The following KIFC3 variants were observed in gnomAD, a reference collection of about 807,000 sequenced individuals.
KIFC3 encodes kinesin-like protein KIFC3.
Under a neutral mutation model 101.8 loss-of-function variants are expected in KIFC3, and 60 were observed. That is an observed-to-expected ratio of 0.59 (90% CI 0.48 to 0.73). The LOEUF (loss-of-function observed/expected upper bound fraction) is 0.73. Ranked by LOEUF, KIFC3 falls within the 30% of genes least tolerant of loss-of-function variation. The probability of loss-of-function intolerance (pLI) is 0.00; values close to 1 mark genes in which losing one functional copy is unlikely to be tolerated. For synonymous variants in KIFC3, 476 were observed against 482.7 expected (o/e 0.99, Z 0.18); for missense variants, 966 against 1,137.1 (o/e 0.85, Z 2.16).
chr16:57,760,162 C>T (rs2049664166), intron 17 of KIFC3, 120 bp downstream of exon 17: 2 of 1,237,672 alleles, frequency 1.6e-6, no homozygotes, highest in Non-Finnish European at 1.1e-6. Context: ...CTCCACCCAA[C>T]TCCGGCAGCT....
intron 1 of KIFC3, among the ~76,000 whole-genome samples, chr16:57,811,918 C>A (rs1320099502): frequency 4.3e-4 from 46 of 107,784 alleles, no homozygotes; most frequent in East Asian, 1.3e-3. Flanking sequence ...GACTCCGTCT[C>A]AAAAAAAAAA....
intron 9 of KIFC3, among the ~76,000 whole-genome samples, chr16:57,768,773 G>A (rs543926854): frequency 5.3e-5 from 8 of 152,102 alleles, no homozygotes; most frequent in East Asian, 1.9e-4. Context: ...AGGAGCTAAC[G>A]GCTATAAACA....
At chr16:57,779,246 C>G (rs1555613273) in intron 3 of KIFC3, 1 of 152,170 alleles carries the variant, frequency 6.6e-6, no homozygotes, top group African/African-American at 2.4e-5. Context: ...CAATATTACT[C>G]AGCCTTAAAA....
chr16:57,833,591 C>G (rs76974648), intron 1 of KIFC3, among the ~76,000 whole-genome samples: 1,925 of 152,250 alleles, frequency 0.013, 37 homozygotes, highest in African/African-American at 0.044. Context: ...CCACAGACTC[C>G]CAGGACCCAG....
chr16:57,810,577 A>C (rs1181772487), intron 1 of KIFC3: 13 of 813,926 alleles, frequency 1.6e-5, no homozygotes, highest in Non-Finnish European at 1.9e-5. Context: ...AGTGGCTTCC[A>C]TCTGCCACCT....
intron 1 of KIFC3, among the ~76,000 whole-genome samples, chr16:57,822,872 A>G (rs1446780128): frequency 3.3e-5 from 5 of 152,216 alleles, no homozygotes; most frequent in Non-Finnish European, 4.4e-5. Flanking sequence ...TCTGTAGATT[A>G]TTAGGTAGCA....
intron 3 of KIFC3, among the ~76,000 whole-genome samples, chr16:57,780,119 G>A (rs56303159): frequency 0.07 from 10,706 of 152,310 alleles, 440 homozygotes; most frequent in South Asian, 0.09. Context: ...ATTACAATTC[G>A]AGATGAAATT....
chr16:57,862,632 G>C, intron 1 of KIFC3: 1 of 330,684 alleles, frequency 3.0e-6, no homozygotes, highest in Non-Finnish European at 5.9e-6. Flanking sequence ...CCCAATCACT[G>C]TTTTTCAAAA....
intron 1 of KIFC3, among the ~76,000 whole-genome samples, chr16:57,836,140 AGG>A (rs2055681197): frequency 6.6e-6 from 1 of 152,190 alleles, no homozygotes; most frequent in African/African-American, 2.4e-5. Flanking sequence ...GTTTTGAGTC[AGG>A]GCCTCTGTCG....
intron 3 of KIFC3, among the ~76,000 whole-genome samples, chr16:57,781,035 G>C (rs1163657343): frequency 6.6e-6 from 1 of 152,018 alleles, no homozygotes; most frequent in Admixed American, 6.5e-5. Flanking sequence ...AGTGCCGTGA[G>C]TGCCGGTCAC....
intron 1 of KIFC3, among the ~76,000 whole-genome samples, chr16:57,829,339 G>A (rs1290724443): frequency 6.6e-5 from 10 of 152,006 alleles, no homozygotes; most frequent in African/African-American, 2.4e-4. Flanking sequence ...CTGCAGCCTC[G>A]ACCTCCTGGG....
At chr16:57,797,738 G>GC (rs2054452536) in intron 2 of KIFC3, 1 of 1,235,500 alleles carries the variant, frequency 8.1e-7, no homozygotes. Context: ...ACCGGAGCTA[G>GC]CCCACACGCT....
At chr16:57,797,829 G>C (rs1397624891) in intron 2 of KIFC3, 2 of 1,424,332 alleles carry the variant, frequency 1.4e-6, no homozygotes, top group African/African-American at 1.5e-5. Context: ...CTCTGTGCCC[G>C]ACCCGTGTTA....
rs2049690126 is a variant in KIFC3 at position 57,760,347 on chromosome 16, C to T, written c.2302G>A (p.Val768Met). 3 of 1,613,994 alleles carry T rather than the reference C, an allele frequency of 1.9e-6. No individual in the cohort carries two copies. The highest frequency in any genetic ancestry group is 2.5e-6 in the Non-Finnish European group (3 of 1,179,986). Residue 768 changes from valine (V) to methionine (M), a missense_variant, in exon 17 of 20, where the codon GTG (valine) becomes ATG (methionine). Val to Met is a conservative substitution (Grantham distance 21). Transcript: ENST00000445690. ...SLKFAERVRSVELGPGLRRAE... is the reference protein window; with the variant it reads ...SLKFAERVRSMELGPGLRRAE... ...CTGCGTAGCCCAGGCCCCAGCTCCA[C>T]AGAGCGCACCCTCTCAGCAAACTTG...
chr16:57,828,555 G>A (rs919238354), intron 1 of KIFC3, among the ~76,000 whole-genome samples: 57 of 152,210 alleles, frequency 3.7e-4, no homozygotes, highest in Admixed American at 2.4e-3. Context: ...GTGGGGCCCC[G>A]CGGCATTGGA....
At chr16:57,770,289 G>A (rs2050993932) in intron 7 of KIFC3, among the ~76,000 whole-genome samples, 1 of 152,258 alleles carries the variant, frequency 6.6e-6, no homozygotes, top group Non-Finnish European at 1.5e-5. Flanking sequence ...TGGGCACAAA[G>A]CTTCTTGGGA....
chr16:57,830,819 G>T (rs1252243720), intron 1 of KIFC3, among the ~76,000 whole-genome samples: 1 of 151,948 alleles, frequency 6.6e-6, no homozygotes, highest in East Asian at 1.9e-4. Context: ...AACATTCCCG[G>T]GGCCTTGAGT....
At chr16:57,825,387 T>C (rs1258634158) in intron 1 of KIFC3, among the ~76,000 whole-genome samples, 1 of 152,220 alleles carries the variant, frequency 6.6e-6, no homozygotes, top group East Asian at 1.9e-4. Flanking sequence ...GCTCCATTCA[T>C]GAAAGCATAG....
intron 18 of KIFC3, chr16:57,759,510 C>A (rs548570320): frequency 1.4e-5 from 8 of 580,954 alleles, no homozygotes; most frequent in Non-Finnish European, 1.8e-5. Context: ...TTACACTGCC[C>A]CCTTCCCACA....
Sources: gnomAD v4.1 joint callset for allele counts (sites outside exome capture counted in the v4.1 genomes callset) on GRCh38, gnomAD v4.1.1 for gene constraint, MANE v1.5 for transcripts, NCBI Gene and HGNC (gene_info 2026-07-23, HGNC 2026-07-21) for gene names.